The following TOGARAM2 variants were observed in gnomAD, a reference collection of about 807,000 sequenced individuals.
The protein encoded by TOGARAM2 is TOG array regulator of axonemal microtubules protein 2.
TOGARAM2 carries 85 observed loss-of-function variants against 93.3 expected under a neutral mutation model. The ratio of observed to expected loss-of-function variants is 0.91; its 90% CI spans 0.76 to 1.09. TOGARAM2 has a LOEUF of 1.09. Ranked by LOEUF, TOGARAM2 falls within the 50% of genes least tolerant of loss-of-function variation. The pLI, the probability that TOGARAM2 is intolerant of heterozygous loss-of-function variation, is 0.00. For missense variants in TOGARAM2, 1,277 were observed against 1,334.5 expected, an observed-to-expected ratio of 0.96 and a Z score of 0.67; for synonymous variants, 593 against 552.8, an observed-to-expected ratio of 1.07 and a Z score of -1.02.
intron 18 of TOGARAM2, among the ~76,000 whole-genome samples, chr2:29,043,773 A>C (rs1238916399): frequency 6.6e-6 from 1 of 152,186 alleles, no homozygotes; most frequent in Non-Finnish European, 1.5e-5. Context: ...GATGGTGTGT[A>C]TTTCTCAGCT....
intron 9 of TOGARAM2, 29 bp from the exon 10 acceptor site, chr2:29,017,763 T>C (rs1664673225): frequency 6.4e-7 from 1 of 1,569,394 alleles, no homozygotes; most frequent in South Asian, 1.2e-5. Flanking sequence ...CAGACCTGCC[T>C]AGTCCTAGGA....
upstream of TOGARAM2, among the ~76,000 whole-genome samples, chr2:28,980,748 G>A (rs183622719): frequency 2.7e-4 from 41 of 152,342 alleles, no homozygotes; most frequent in East Asian, 7.3e-3. Flanking sequence ...GGATTTCTGG[G>A]GAAGTGATGG....
chr2:28,998,315 T>C, intron 3 of TOGARAM2, 62 bp downstream of exon 3: 2 of 1,160,316 alleles, frequency 1.7e-6, no homozygotes, highest in Non-Finnish European at 2.5e-6. Flanking sequence ...GGGGAGTGAG[T>C]GTGGTAGATG....
intron 13 of TOGARAM2, among the ~76,000 whole-genome samples, chr2:29,026,437 C>A (rs1440638266): frequency 6.6e-6 from 1 of 151,980 alleles, no homozygotes; most frequent in African/African-American, 2.4e-5. Context: ...GACAGCGCTA[C>A]CTTGGGCAGT....
chr2:28,977,316 A>G (rs1325906992), upstream of TOGARAM2, among the ~76,000 whole-genome samples: 4 of 152,148 alleles, frequency 2.6e-5, no homozygotes, highest in African/African-American at 4.8e-5. Flanking sequence ...TACCTGAGAC[A>G]GAGATGGGGG....
At chr2:28,976,241 G>C (rs1672030033) in intron 1 of TOGARAM2, among the ~76,000 whole-genome samples, 1 of 152,076 alleles carries the variant, frequency 6.6e-6, no homozygotes, top group Non-Finnish European at 1.5e-5. Flanking sequence ...CGTGGTGGCG[G>C]GTGCCTGTAG....
In TOGARAM2 at chr2:29,009,248, G is replaced by A. The variant is rs116128353; in HGVS notation, c.831-2207G>A. Among the ~76,000 whole-genome samples, 852 of 152,324 alleles carry A rather than the reference G, an allele frequency of 5.6e-3. 7 individuals carry two copies. Among genetic ancestry groups the A allele is most frequent in the African/African-American group, 0.02 (821 of 41,572 alleles). On this transcript the variant is annotated intron_variant, in intron 6 of 19. Transcript: ENST00000379558. ...GGTGGAAGAGGGAGAGACGGAAGGAGGAGTGAGCCCCTGCATCCTTGCGTG... is the reference window on the plus strand; with the variant it reads ...GGTGGAAGAGGGAGAGACGGAAGGAAGAGTGAGCCCCTGCATCCTTGCGTG...
chr2:29,025,568 G>A (rs1264176688), intron 13 of TOGARAM2, among the ~76,000 whole-genome samples: 2 of 152,130 alleles, frequency 1.3e-5, no homozygotes, highest in East Asian at 1.9e-4. Context: ...ATCTGAGTCC[G>A]CTGGGATCTT....
intron 1 of TOGARAM2, among the ~76,000 whole-genome samples, chr2:28,971,479 T>A (rs1167684135): frequency 6.6e-6 from 1 of 152,152 alleles, no homozygotes; most frequent in Non-Finnish European, 1.5e-5. Context: ...CCCAAAGTGC[T>A]GGGATTATAG....
At chr2:28,998,284 C>T in intron 3 of TOGARAM2, 31 bp downstream of exon 3, 1 of 1,490,270 alleles carries the variant, frequency 6.7e-7, no homozygotes, top group Non-Finnish European at 9.2e-7. Flanking sequence ...CTGGTCAGGG[C>T]CCCTGGCCTC....
At chr2:28,976,585 G>T (rs1398870744), upstream of TOGARAM2, among the ~76,000 whole-genome samples, 1 of 152,182 alleles carries the variant, frequency 6.6e-6, no homozygotes, top group Non-Finnish European at 1.5e-5. Context: ...GTGAGATGAG[G>T]GGTTGGCTTC....
At chr2:28,965,552 C>G (rs1458503285) in intron 1 of TOGARAM2, among the ~76,000 whole-genome samples, 1 of 152,210 alleles carries the variant, frequency 6.6e-6, no homozygotes, top group African/African-American at 2.4e-5. Context: ...ATAGTTGGGA[C>G]TCAGATGCCG....
At chr2:29,014,358 G>A (rs761287318) in intron 7 of TOGARAM2, 37 bp from the exon 8 acceptor site, 2 of 1,598,316 alleles carry the variant, frequency 1.3e-6, no homozygotes, top group African/African-American at 2.7e-5. Flanking sequence ...CAGTGACCTG[G>A]GTGTCTTCAG....
chr2:29,039,606 G>A (rs1441903259), intron 18 of TOGARAM2, among the ~76,000 whole-genome samples: 1 of 152,184 alleles, frequency 6.6e-6, no homozygotes, highest in Non-Finnish European at 1.5e-5. Flanking sequence ...GGCAGAGCAG[G>A]TGGGGATTTC....
chr2:28,985,647 A>G (rs758657972), intron 1 of TOGARAM2, among the ~76,000 whole-genome samples: 1 of 152,204 alleles, frequency 6.6e-6, no homozygotes, highest in Non-Finnish European at 1.5e-5. Context: ...ATTTGTGTAT[A>G]AGTTACATAC....
chr2:28,993,580 T>C (rs1672845334), intron 1 of TOGARAM2, among the ~76,000 whole-genome samples: 1 of 152,192 alleles, frequency 6.6e-6, no homozygotes, highest in Non-Finnish European at 1.5e-5. Flanking sequence ...TCCCAGTAGA[T>C]ATTAAACAGA....
chr2:28,959,284 C>T (rs1182848912), intron 1 of TOGARAM2, among the ~76,000 whole-genome samples: 1 of 152,108 alleles, frequency 6.6e-6, no homozygotes, highest in Non-Finnish European at 1.5e-5. Flanking sequence ...AAGTAATAGC[C>T]AAAATAAGAA....
At chr2:29,046,944 C>T (rs1666782592) in intron 19 of TOGARAM2, 1 of 152,610 alleles carries the variant, frequency 6.6e-6, no homozygotes, top group Non-Finnish European at 1.5e-5. Flanking sequence ...TACCTTCTCC[C>T]TGTGTGCTTC....
At chr2:29,033,275 A>G (rs1665887590) in intron 15 of TOGARAM2, among the ~76,000 whole-genome samples, 194 bp from the exon 16 acceptor site, 2 of 152,180 alleles carry the variant, frequency 1.3e-5, no homozygotes, top group South Asian at 4.1e-4. Context: ...CTGGGCCTCC[A>G]TGCCTTCATC....
Sources: gnomAD v4.1 joint callset for allele counts (sites outside exome capture counted in the v4.1 genomes callset) on GRCh38, gnomAD v4.1.1 for gene constraint, MANE v1.5 for transcripts, NCBI Gene and HGNC (gene_info 2026-07-23, HGNC 2026-07-21) for gene names.